Variants in CTDSP2 observed in about 807,000 individuals in gnomAD.
The protein encoded by CTDSP2 is carboxy-terminal domain RNA polymerase II polypeptide A small phosphatase 2.
Under a neutral mutation model 31.6 loss-of-function variants are expected in CTDSP2, and 9 were observed. The ratio of observed to expected loss-of-function variants is 0.28; its 90% CI spans 0.17 to 0.50. The LOEUF is 0.50. Ranked by LOEUF, CTDSP2 falls within the 20% of genes least tolerant of loss-of-function variation. The pLI is 0.98. For synonymous variants in CTDSP2, 134 were observed against 134.5 expected (o/e 1.00, Z 0.03); for missense variants, 267 against 348.5 (o/e 0.77, Z 1.86).
chr12:57,835,559 C>T (rs1250594975), intron 1 of CTDSP2, among the ~76,000 whole-genome samples: 1 of 152,228 alleles, frequency 6.6e-6, no homozygotes, highest in African/African-American at 2.4e-5. Context: ...CCTTCATTCC[C>T]TGCTACCCTC....
At chr12:57,830,541 CCTCCTCCA>C (rs2140477222) in intron 1 of CTDSP2, among the ~76,000 whole-genome samples, 1 of 152,264 alleles carries the variant, frequency 6.6e-6, no homozygotes, top group African/African-American at 2.4e-5. Context: ...CCTTGCCTCC[CCTCCTCCA>C]CTCCAGCAGC....
In CTDSP2 at chr12:57,822,684, G is replaced by A. The variant is rs1956154223; in HGVS notation, c.*918C>T. ...CGAGCTTAGCTGATCCACAAGCCAT[G>A]GGGACACACGTCCACGCTTTGAGGA... is the stretch of plus-strand genomic sequence containing the variant. On this transcript the variant is annotated 3_prime_UTR_variant, in exon 8 of 8. Transcript: ENST00000398073. The A allele has an allele frequency of 6.6e-6, 1 of 152,252 alleles. No homozygotes were observed. Among genetic ancestry groups the A allele is most frequent in the African/African-American group, 2.4e-5 (1 of 41,452 alleles). The allele number at this position is 152,252 out of a possible 1,614,324, so 9.4% of individuals were successfully genotyped here. A position where few individuals can be genotyped will look rare whatever the true frequency, so the allele number is the denominator to read the frequency against.
intron 4 of CTDSP2, 57 bp from the exon 5 acceptor site, chr12:57,826,459 C>A: frequency 6.5e-7 from 1 of 1,546,264 alleles, no homozygotes; most frequent in Non-Finnish European, 8.9e-7. Context: ...ATGAGGCCCC[C>A]ACCATACCCC....
intron 1 of CTDSP2, among the ~76,000 whole-genome samples, chr12:57,835,061 A>AAC (rs1262583610): frequency 1.3e-5 from 2 of 149,124 alleles, no homozygotes; most frequent in African/African-American, 4.9e-5. Context: ...GGCAGAGGTT[A>AAC]TGGTAAGCTA....
chr12:57,826,919 G>C, intron 4 of CTDSP2, 77 bp downstream of exon 4: 1 of 1,149,470 alleles, frequency 8.7e-7, no homozygotes, highest in South Asian at 1.3e-5. Flanking sequence ...TCACCTTTAG[G>C]CTGCCTTACA....
At chr12:57,824,172 C>T in intron 6 of CTDSP2, 55 bp downstream of exon 6, 1 of 1,609,012 alleles carries the variant, frequency 6.2e-7, no homozygotes, top group Non-Finnish European at 8.5e-7. Context: ...AGCTGCTGGA[C>T]CACCCCCGTG....
At chr12:57,843,700 G>A (rs947324547) in intron 1 of CTDSP2, among the ~76,000 whole-genome samples, 1 of 152,166 alleles carries the variant, frequency 6.6e-6, no homozygotes, top group Non-Finnish European at 1.5e-5. Flanking sequence ...TTGTGGAGAG[G>A]ACGGAGTGGG....
At chr12:57,843,316 A>G (rs2140486086) in intron 1 of CTDSP2, among the ~76,000 whole-genome samples, 1 of 152,304 alleles carries the variant, frequency 6.6e-6, no homozygotes, top group South Asian at 2.1e-4. Context: ...TGCCAAGCTG[A>G]TATTAACATT....
chr12:57,830,257 T>C (rs4760333), intron 1 of CTDSP2, among the ~76,000 whole-genome samples: 52,315 of 151,840 alleles, frequency 0.34, 9,873 homozygotes, highest in East Asian at 0.72. Context: ...AGGTGGCGGG[T>C]GCTTGTAGTC....
At chr12:57,832,590 G>A (rs1956222309) in intron 1 of CTDSP2, among the ~76,000 whole-genome samples, 1 of 151,822 alleles carries the variant, frequency 6.6e-6, no homozygotes, top group Non-Finnish European at 1.5e-5. Flanking sequence ...TCAGGAGTTC[G>A]AGACCAGCCT....
At chr12:57,824,882 A>G (rs1488112535) in intron 5 of CTDSP2, among the ~76,000 whole-genome samples, 1 of 151,764 alleles carries the variant, frequency 6.6e-6, no homozygotes, top group Non-Finnish European at 1.5e-5. Flanking sequence ...ACCTTTGTCC[A>G]CCCTTACGAT....
intron 1 of CTDSP2, 53 bp downstream of exon 1, chr12:57,846,318 AG>A (rs1565850974): frequency 1.3e-6 from 2 of 1,525,474 alleles, no homozygotes; most frequent in Non-Finnish European, 1.8e-6. Context: ...GGGCTGTGCT[AG>A]CCCCCTCCGC....
At chr12:57,834,469 C>T (rs1030658691) in intron 1 of CTDSP2, among the ~76,000 whole-genome samples, 1 of 152,160 alleles carries the variant, frequency 6.6e-6, no homozygotes, top group African/African-American at 2.4e-5. Flanking sequence ...AGGGAATCCA[C>T]CCCCACCCCT....
chr12:57,842,048 C>T (rs1325422935), intron 1 of CTDSP2, among the ~76,000 whole-genome samples: 1 of 152,080 alleles, frequency 6.6e-6, no homozygotes, highest in Non-Finnish European at 1.5e-5. Flanking sequence ...CCCTGGTCCC[C>T]ACTCTGTCCA....
chr12:57,844,404 T>C (rs4447215), intron 1 of CTDSP2, among the ~76,000 whole-genome samples: 1,900 of 152,312 alleles, frequency 0.012, 30 homozygotes, highest in South Asian at 0.072. Flanking sequence ...ATTTCTAAGA[T>C]GCCCCGGCGC....
In CTDSP2 at chr12:57,829,578, G is replaced by T; in HGVS notation, c.83C>A (p.Ser28Tyr). The T allele has an allele frequency of 1.2e-6, 2 of 1,614,160 alleles. No homozygotes were observed. The highest frequency in any genetic ancestry group is 3.3e-4 in the Middle Eastern group (2 of 6,062). Residue 28 changes from serine (S) to tyrosine (Y), a missense_variant, in exon 2 of 8, where the codon TCT becomes TAT. Transcript: ENST00000398073. Reference protein sequence around the residue: ...LTKQGLVSKSSPKKPRGRNIF... With the variant: ...LTKQGLVSKSYPKKPRGRNIF... ...GTTACGTCCACGAGGCTTCTTAGGA[G>T]AGGACTTGGAGACCAGGCCTAGGGT...
At chr12:57,826,956 C>T in intron 4 of CTDSP2, 40 bp downstream of exon 4, 2 of 1,459,414 alleles carry the variant, frequency 1.4e-6, no homozygotes, top group Non-Finnish European at 9.6e-7. Context: ...CACAAGAAGG[C>T]CCAAGATAAA....
chr12:57,833,122 G>T (rs1300475172), intron 1 of CTDSP2, among the ~76,000 whole-genome samples: 1 of 152,236 alleles, frequency 6.6e-6, no homozygotes, highest in Non-Finnish European at 1.5e-5. Flanking sequence ...GAGGCCGTCA[G>T]GAATGCACTC....
intron 1 of CTDSP2, among the ~76,000 whole-genome samples, chr12:57,841,264 C>T (rs1172181573): frequency 6.6e-6 from 1 of 152,188 alleles, no homozygotes; most frequent in Non-Finnish European, 1.5e-5. Flanking sequence ...TTTGTACTTT[C>T]TCAATGTTGT....
Sources: gnomAD v4.1 joint callset for allele counts (sites outside exome capture counted in the v4.1 genomes callset) on GRCh38, gnomAD v4.1.1 for gene constraint, MANE v1.5 for transcripts, NCBI Gene and HGNC (gene_info 2026-07-23, HGNC 2026-07-21) for gene names.